Variants in DLG2 observed in about 807,000 individuals in gnomAD.
DLG2 encodes the protein discs large MAGUK scaffold protein 2.
Under a neutral mutation model 132.5 loss-of-function variants are expected in DLG2, and 45 were observed. The ratio of observed to expected loss-of-function variants is 0.34; its 90% confidence interval spans 0.27 to 0.44. The LOEUF is 0.44. Among genes scored for constraint, DLG2 ranks in the 20% least tolerant of loss-of-function variants. The probability of loss-of-function intolerance (pLI) is 1.00; values close to 1 mark genes in which losing one functional copy is unlikely to be tolerated. For synonymous variants in DLG2, 424 were observed against 419.6 expected (o/e 1.01, Z -0.13); for missense variants, 1,045 against 1,196.9 (o/e 0.87, Z 1.87).
At chr11:85,488,104 C>A (rs1293132410) in intron 3 of DLG2, among the ~76,000 whole-genome samples, 1 of 152,144 alleles carries the variant, frequency 6.6e-6, no homozygotes, top group Non-Finnish European at 1.5e-5. Context: ...TAAGAAGTGC[C>A]TTTTGGCTGG....
At position 83,686,083 on chromosome 11, in the gene DLG2, C is replaced by T. The variant is rs61041870; in HGVS notation, c.1826-52758G>A. Among the ~76,000 whole-genome samples the T allele has an allele frequency of 7.4e-3, 1,119 of 152,224 alleles. 8 individuals are homozygous for T. The highest frequency in any genetic ancestry group is 0.022 in the African/African-American group (925 of 41,548). ...TCACATGGATTTCTGCAACCACCTC[C>T]TCACTGGTTTCTTTGTTTCCATTCT... On this transcript the variant is annotated intron_variant, in intron 18 of 27. Coordinates refer to ENST00000376104, the MANE Select transcript of DLG2 (RefSeq NM_001142699.3).
intron 7 of DLG2, among the ~76,000 whole-genome samples, chr11:84,350,239 G>A (rs1056917693): frequency 6.7e-6 from 1 of 150,154 alleles, no homozygotes; most frequent in Non-Finnish European, 1.5e-5. Flanking sequence ...CTTTTCAACA[G>A]GTTTTTAACC....
At chr11:85,365,938 TG>T (rs1229241085) in intron 3 of DLG2, among the ~76,000 whole-genome samples, 1 of 151,220 alleles carries the variant, frequency 6.6e-6, no homozygotes, top group Non-Finnish European at 1.5e-5. Flanking sequence ...TGCCAGGAGG[TG>T]GGGGGCTAGG....
chr11:84,539,653 A>G (rs2099363398), intron 6 of DLG2, among the ~76,000 whole-genome samples: 1 of 152,196 alleles, frequency 6.6e-6, no homozygotes, highest in Admixed American at 6.5e-5. Flanking sequence ...TACCTTGGGC[A>G]GTATGGCCAT....
chr11:84,881,747 T>C (rs1039127111), intron 6 of DLG2, among the ~76,000 whole-genome samples: 7 of 152,188 alleles, frequency 4.6e-5, no homozygotes, highest in East Asian at 1.9e-4. Flanking sequence ...GATACTGTAA[T>C]GATGCCTGGT....
At chr11:85,267,495 C>G (rs191619638) in intron 4 of DLG2, among the ~76,000 whole-genome samples, 2 of 152,026 alleles carry the variant, frequency 1.3e-5, no homozygotes, top group African/African-American at 4.8e-5. Context: ...TATTTCTATA[C>G]CCCCCACAAA....
intron 4 of DLG2, among the ~76,000 whole-genome samples, chr11:85,174,063 A>C (rs2079055305): frequency 6.6e-6 from 1 of 152,162 alleles, no homozygotes; most frequent in African/African-American, 2.4e-5. Context: ...ACAGATCACC[A>C]AGACAGAAAA....
chr11:85,497,534 C>T (rs993753493), intron 3 of DLG2, among the ~76,000 whole-genome samples: 18 of 152,196 alleles, frequency 1.2e-4, no homozygotes, highest in Admixed American at 2.0e-4. Flanking sequence ...ACTTCCCCAA[C>T]CTGGCAAGTC....
chr11:84,987,167 T>C (rs1422630734), intron 6 of DLG2, among the ~76,000 whole-genome samples: 2 of 151,964 alleles, frequency 1.3e-5, no homozygotes, highest in African/African-American at 4.8e-5. Context: ...TTACAATAGC[T>C]GCGAAAAATT....
intron 7 of DLG2, among the ~76,000 whole-genome samples, chr11:84,464,043 AAT>A (rs1420054029): frequency 6.6e-6 from 1 of 151,222 alleles, no homozygotes; most frequent in Non-Finnish European, 1.5e-5. Context: ...TTTACTCTAA[AAT>A]ATTCAAAAAT....
chr11:85,517,139 G>C (rs181772277), intron 3 of DLG2, among the ~76,000 whole-genome samples: 1 of 152,036 alleles, frequency 6.6e-6, no homozygotes, highest in Non-Finnish European at 1.5e-5. Flanking sequence ...ATCAATAAAT[G>C]TAACTCATCA....
At chr11:84,376,264 T>C (rs1296755687) in intron 7 of DLG2, among the ~76,000 whole-genome samples, 1 of 151,950 alleles carries the variant, frequency 6.6e-6, no homozygotes, top group Non-Finnish European at 1.5e-5. Flanking sequence ...TTACCCATAT[T>C]AGTTTTTGCT....
At chr11:85,579,207 G>A (rs1430819667) in intron 3 of DLG2, among the ~76,000 whole-genome samples, 1 of 152,082 alleles carries the variant, frequency 6.6e-6, no homozygotes, top group Non-Finnish European at 1.5e-5. Context: ...TACATAGAGG[G>A]AATAACATGC....
chr11:83,710,887 C>T (rs137870578), intron 18 of DLG2, among the ~76,000 whole-genome samples: 11 of 152,234 alleles, frequency 7.2e-5, no homozygotes, highest in African/African-American at 2.4e-4. Flanking sequence ...CATAAATATG[C>T]TAGTAACAAT....
At chr11:84,850,679 T>G (rs966793974) in intron 6 of DLG2, among the ~76,000 whole-genome samples, 3 of 152,088 alleles carry the variant, frequency 2.0e-5, no homozygotes, top group Non-Finnish European at 1.5e-5. Context: ...GCTAATAGAA[T>G]AAACAGATTC....
chr11:84,649,439 G>A (rs1471953155), intron 6 of DLG2, among the ~76,000 whole-genome samples: 1 of 152,158 alleles, frequency 6.6e-6, no homozygotes, highest in Non-Finnish European at 1.5e-5. Flanking sequence ...ATTAGTGAAG[G>A]AGAAAGGCTG....
At chr11:84,479,195 TA>T (rs1316114743) in intron 7 of DLG2, among the ~76,000 whole-genome samples, 1 of 152,108 alleles carries the variant, frequency 6.6e-6, no homozygotes, top group Non-Finnish European at 1.5e-5. Flanking sequence ...AGGAACACTA[TA>T]AAACTTGGAT....
rs530826065 is a variant in DLG2 at position 85,062,643 on chromosome 11, C to G, written c.357+49018G>C. On this transcript the variant is annotated intron_variant, in intron 6 of 27. Transcript: ENST00000376104. ...ATAATGTTTGTTTTATTTGCAAATTCATGTTATTAACTTACCTCACAGAGA... is the reference window on the plus strand; with the variant it reads ...ATAATGTTTGTTTTATTTGCAAATTGATGTTATTAACTTACCTCACAGAGA... 2.3e-4 allele frequency among the ~76,000 whole-genome samples: 35 copies of G among 151,308 alleles called. No individual in the cohort carries two copies. The South Asian group carries it at 6.9e-3, about 30-fold the overall frequency.
intron 6 of DLG2, among the ~76,000 whole-genome samples, chr11:84,860,918 C>T (rs187453747): frequency 1.1e-4 from 17 of 151,748 alleles, no homozygotes; most frequent in African/African-American, 3.9e-4. Flanking sequence ...AAAAAATAAG[C>T]TTTGAGTTAG....
Sources: gnomAD v4.1 joint callset for allele counts (sites outside exome capture counted in the v4.1 genomes callset) on GRCh38, gnomAD v4.1.1 for gene constraint, MANE v1.5 for transcripts, NCBI Gene and HGNC (gene_info 2026-07-23, HGNC 2026-07-21) for gene names.